Variants in SIPA1L1 observed in about 807,000 individuals in gnomAD.
SIPA1L1 encodes the protein signal-induced proliferation-associated 1-like protein 1.
A neutral mutation model predicts 162.7 loss-of-function variants in SIPA1L1; 26 were observed. The ratio of observed to expected loss-of-function variants is 0.16; its 90% CI spans 0.12 to 0.22. The LOEUF (loss-of-function observed/expected upper bound fraction) is 0.22, where lower values mean the gene tolerates loss of function less well. Ranked by LOEUF, SIPA1L1 falls within the 10% of genes least tolerant of loss-of-function variation. The probability of loss-of-function intolerance (pLI) is 1.00; values close to 1 mark genes in which losing one functional copy is unlikely to be tolerated. For synonymous variants in SIPA1L1, 829 were observed against 837.4 expected (o/e 0.99, Z 0.17); for missense variants, 1,874 against 2,241.0 (o/e 0.84, Z 3.31).
chr14:71,397,085 A>G (rs1007330334), intron 2 of SIPA1L1, among the ~76,000 whole-genome samples: 16 of 152,204 alleles, frequency 1.1e-4, no homozygotes, highest in Admixed American at 5.2e-4. Context: ...GAAGATAACT[A>G]TTAATAACTT....
chr14:71,714,639 T>G (rs2083130020), intron 17 of SIPA1L1, among the ~76,000 whole-genome samples: 1 of 152,124 alleles, frequency 6.6e-6, no homozygotes. Context: ...TAGAGTTCAG[T>G]GGTGGCCCTG....
intron 2 of SIPA1L1, among the ~76,000 whole-genome samples, chr14:71,423,228 G>C (rs1421037559): frequency 1.3e-5 from 2 of 152,062 alleles, no homozygotes; most frequent in South Asian, 2.1e-4. Flanking sequence ...TCCCTTGTCA[G>C]ATATATGAAT....
intron 15 of SIPA1L1, 70 bp from the exon 16 acceptor site, chr14:71,705,152 A>G (rs1211202167): frequency 1.4e-5 from 15 of 1,078,020 alleles, no homozygotes; most frequent in Non-Finnish European, 1.7e-5. Context: ...ATGGCAAGCC[A>G]TCTTCATTTG....
chr14:71,664,675 CCCCAAGTGCTTTTTAGCAT>C (rs1288586215), intron 10 of SIPA1L1, among the ~76,000 whole-genome samples: 2 of 152,096 alleles, frequency 1.3e-5, no homozygotes, highest in East Asian at 3.9e-4. Flanking sequence ...ATTTTTTGTA[CCCCAAGTGCTTTTTAGCAT>C]TTAAAACCTC....
chr14:71,432,981 A>T (rs1016764115), intron 2 of SIPA1L1, among the ~76,000 whole-genome samples: 1 of 152,208 alleles, frequency 6.6e-6, no homozygotes, highest in African/African-American at 2.4e-5. Context: ...GTATGAAAGG[A>T]TTATAAGATC....
chr14:71,629,180 G>A (rs2040331217), intron 7 of SIPA1L1, among the ~76,000 whole-genome samples: 1 of 151,996 alleles, frequency 6.6e-6, no homozygotes, highest in Non-Finnish European at 1.5e-5. Flanking sequence ...CTCGTGGTCC[G>A]CCTGCCTCAG....
intron 4 of SIPA1L1, among the ~76,000 whole-genome samples, chr14:71,538,320 T>C (rs1475820837): frequency 6.6e-6 from 1 of 152,196 alleles, no homozygotes; most frequent in African/African-American, 2.4e-5. Context: ...AAATAAAATT[T>C]TGTTCTGAAA....
chr14:71,572,591 C>A (rs1393821762), intron 4 of SIPA1L1, among the ~76,000 whole-genome samples: 1 of 152,108 alleles, frequency 6.6e-6, no homozygotes, highest in Non-Finnish European at 1.5e-5. Flanking sequence ...CCCCAGAATA[C>A]CTCTTCAGGA....
At chr14:71,398,009 A>ATTTTTT (rs1207564931) in intron 2 of SIPA1L1, among the ~76,000 whole-genome samples, 1 of 93,796 alleles carries the variant, frequency 1.1e-5, no homozygotes, top group African/African-American at 4.3e-5. Context: ...AAAAAAAAAA[A>ATTTTTT]TTTTTTTTTT....
intron 4 of SIPA1L1, among the ~76,000 whole-genome samples, chr14:71,530,328 C>T (rs1376894831): frequency 6.6e-6 from 1 of 152,022 alleles, no homozygotes; most frequent in Non-Finnish European, 1.5e-5. Context: ...ATATCACTTT[C>T]AGATTCTACC....
intron 7 of SIPA1L1, among the ~76,000 whole-genome samples, chr14:71,633,482 T>A (rs2040811479): frequency 6.6e-6 from 1 of 152,102 alleles, no homozygotes; most frequent in African/African-American, 2.4e-5. Context: ...ACAAGCATGA[T>A]TTTTAAAAAT....
intron 2 of SIPA1L1, among the ~76,000 whole-genome samples, chr14:71,482,806 G>C (rs1414616034): frequency 1.3e-5 from 2 of 152,110 alleles, no homozygotes; most frequent in African/African-American, 4.8e-5. Flanking sequence ...TTAGCCAGTT[G>C]GTAGATTTTA....
chr14:71,536,849 A>C (rs1298648759), intron 4 of SIPA1L1, among the ~76,000 whole-genome samples: 4 of 152,246 alleles, frequency 2.6e-5, no homozygotes, highest in African/African-American at 9.6e-5. Flanking sequence ...TTTAAGCATC[A>C]CATTGAGATT....
At chr14:71,517,636 C>T (rs948995765) in intron 3 of SIPA1L1, among the ~76,000 whole-genome samples, 6 of 152,126 alleles carry the variant, frequency 3.9e-5, no homozygotes, top group African/African-American at 1.2e-4. Flanking sequence ...ATGTACATTC[C>T]CACCAGAGCA....
rs539528829 is a variant in SIPA1L1, at chr14:71,627,246, C to A, written c.1818+3010C>A. Among the ~76,000 whole-genome samples, 5 of 145,106 alleles carry A rather than the reference C, an allele frequency of 3.4e-5. No homozygotes were observed. In the South Asian group the frequency reaches 1.1e-3, roughly 32 times the overall value. The stretch of plus-strand genomic sequence containing the variant: ...CGATCTCGGCTCACTGCAGCCTCTG[C>A]CTCCCGGGCTCAAGCAGTTCTTCCA... On this transcript the variant is annotated intron_variant, in intron 7 of 23. Coordinates refer to ENST00000381232, the MANE Select transcript of SIPA1L1 (RefSeq NM_001386936.1).
At chr14:71,382,835 T>C (rs2040014674) in intron 2 of SIPA1L1, among the ~76,000 whole-genome samples, 1 of 152,178 alleles carries the variant, frequency 6.6e-6, no homozygotes, top group African/African-American at 2.4e-5. Context: ...TAGTTTCTGC[T>C]CTTAAAGAGT....
At chr14:71,675,762 T>C (rs1438873009) in intron 12 of SIPA1L1, among the ~76,000 whole-genome samples, 2 of 152,022 alleles carry the variant, frequency 1.3e-5, no homozygotes, top group Non-Finnish European at 2.9e-5. Context: ...GGCAAGCTGC[T>C]CCTCTACCCC....
At chr14:71,514,641 A>C (rs1328795666) in intron 3 of SIPA1L1, among the ~76,000 whole-genome samples, 1 of 152,140 alleles carries the variant, frequency 6.6e-6, no homozygotes, top group African/African-American at 2.4e-5. Flanking sequence ...GTCCTGCCCT[A>C]TTTGTGTCTG....
chr14:71,736,011 T>C (rs2152862507), intron 22 of SIPA1L1, among the ~76,000 whole-genome samples: 1 of 152,362 alleles, frequency 6.6e-6, no homozygotes, highest in Non-Finnish European at 1.5e-5. Flanking sequence ...CTAATTTCTG[T>C]ATGTTAAAGC....
Sources: allele counts gnomAD v4.1 joint callset (sites outside exome capture counted in the v4.1 genomes callset), GRCh38; gene constraint gnomAD v4.1.1; transcripts MANE v1.5; gene names NCBI Gene and HGNC (gene_info 2026-07-23, HGNC 2026-07-21).